ZMYM2: variants seen among roughly 807,000 people sequenced by gnomAD.
ZMYM2 encodes zinc finger MYM-type containing 2, also known as zinc finger MYM-type protein 2.
In ZMYM2, 56 loss-of-function variants were observed where a neutral mutation model predicts 162.8. The ratio of observed to expected loss-of-function variants is 0.34; its 90% CI spans 0.28 to 0.43. The LOEUF is 0.43. Among genes scored for constraint, ZMYM2 ranks in the 20% least tolerant of loss-of-function variants. The probability of loss-of-function intolerance (pLI) is 1.00; values close to 1 mark genes in which losing one functional copy is unlikely to be tolerated. For missense variants in ZMYM2, 1,275 were observed against 1,621.8 expected (o/e 0.79, Z 3.67); for synonymous variants, 510 against 541.6 (o/e 0.94, Z 0.81).
chr13:19,934,307 T>A, the ZMYM2 span, among the ~76,000 whole-genome samples: 3 of 152,044 alleles, frequency 2.0e-5, no homozygotes, highest in East Asian at 5.8e-4. Flanking sequence ...ACTACAGGCA[T>A]CCACCACCAT....
chr13:19,948,290 C>G, the ZMYM2 span, among the ~76,000 whole-genome samples: 1 of 152,136 alleles, frequency 6.6e-6, no homozygotes, highest in Non-Finnish European at 1.5e-5. Context: ...ACACAAAACC[C>G]TTGCACATGG....
At chr13:19,914,577 T>C in the ZMYM2 span, among the ~76,000 whole-genome samples, 1 of 152,244 alleles carries the variant, frequency 6.6e-6, no homozygotes, top group Non-Finnish European at 1.5e-5. Flanking sequence ...CAGCATTGCT[T>C]TGTTCTTACT....
chr13:20,037,213 ATTTTTTTTTT>A (rs754909177), intron 12 of ZMYM2, among the ~76,000 whole-genome samples: 1 of 90,382 alleles, frequency 1.1e-5, no homozygotes, highest in Non-Finnish European at 2.1e-5. Context: ...ACTAAGTAGA[ATTTTTTTTTT>A]TTTTTTTTTT....
At position 20,058,713 on chromosome 13, in the gene ZMYM2, GGACAATGT is replaced by G. The variant is rs1955997006; in HGVS notation, c.2623+13_2623+20del. 4 of 1,612,556 alleles carry G rather than the reference GGACAATGT, an allele frequency of 2.5e-6. No homozygotes were observed. In the South Asian group the frequency reaches 4.4e-5, roughly 18 times the overall value. Reference sequence around the variant, plus strand: ...CAAATCTTGTCAGACAGGTAACTTAGGACAATGTGACTTACATACTTCCCCATACCTTC... The same window carrying G: ...CAAATCTTGTCAGACAGGTAACTTAGGACTTACATACTTCCCCATACCTTC... On this transcript the variant is annotated intron_variant, in intron 15 of 24. Transcript: ENST00000610343.
intron 2 of ZMYM2, among the ~76,000 whole-genome samples, chr13:19,961,467 C>G (rs1955198911): frequency 1.3e-5 from 2 of 152,184 alleles, no homozygotes; most frequent in South Asian, 4.1e-4. Flanking sequence ...AAGTTCATCT[C>G]AGGCATCAGA....
intron 14 of ZMYM2, among the ~76,000 whole-genome samples, chr13:20,058,256 TC>T (rs749544628): frequency 3.7e-4 from 56 of 152,352 alleles, no homozygotes; most frequent in Admixed American, 9.2e-4. Flanking sequence ...TTTTCATAGT[TC>T]AGGTTTGCAA....
Position 20,014,323 on chromosome 13 carries a change from C to T in ZMYM2, c.1513-5224C>T, listed in dbSNP as rs980643852. On this transcript the variant is annotated intron_variant, in intron 6 of 24. Transcript: ENST00000610343. ...TCCAGACCTCATGATCCACCCGCCT[C>T]AGCCTCCCAAAATGTTGGGATTATA... is the stretch of plus-strand genomic sequence containing the variant. 6.6e-5 allele frequency among the ~76,000 whole-genome samples: 10 copies of T among 152,172 alleles called. No homozygotes were observed. In the East Asian group the frequency reaches 1.9e-3, roughly 29 times the overall value.
intron 7 of ZMYM2, 61 bp downstream of exon 7, chr13:20,019,679 C>A: frequency 1.4e-6 from 2 of 1,397,956 alleles, no homozygotes; most frequent in South Asian, 1.3e-5. Flanking sequence ...CTACTACTGT[C>A]ATTAATATGT....
At chr13:20,057,070 C>T (rs1227160350) in intron 14 of ZMYM2, among the ~76,000 whole-genome samples, 1 of 152,096 alleles carries the variant, frequency 6.6e-6, no homozygotes, top group Non-Finnish European at 1.5e-5. Flanking sequence ...TTCTGCAGCT[C>T]CATCCACAGT....
At chr13:19,914,911 T>A in the ZMYM2 span, among the ~76,000 whole-genome samples, 1 of 152,160 alleles carries the variant, frequency 6.6e-6, no homozygotes, top group African/African-American at 2.4e-5. Flanking sequence ...CAAGAGGCTG[T>A]ATATACTCTG....
At position 20,087,271 on chromosome 13, in the gene ZMYM2, T is replaced by TAA. The variant is rs748988991; in HGVS notation, c.*1267_*1268dup. 7.6e-5 allele frequency: 13 copies of TAA among 171,062 alleles called. No individual in the cohort carries two copies. Among genetic ancestry groups the TAA allele is most frequent in the South Asian group, 2.1e-4 (1 of 4,774 alleles). The allele number at this position is 171,062 out of a possible 1,614,324, so 10.6% of individuals were successfully genotyped here. A position where few individuals can be genotyped will look rare whatever the true frequency, so the allele number is the denominator to read the frequency against. On this transcript the variant is annotated 3_prime_UTR_variant, in exon 25 of 25. Transcript: ENST00000610343. ...AATTACTTCTTATAGAAGATTGCATTAAAAAAAAAAACAACTTTGTGCTTC... is the reference window on the plus strand; with the variant it reads ...AATTACTTCTTATAGAAGATTGCATTAAAAAAAAAAAAACAACTTTGTGCTTC...
rs1594469557 is a variant in ZMYM2 at position 20,031,533 on chromosome 13, T to C, written c.1968+98T>C. ...ATCTGGAAACCTATTTCTTGGTAGA[T>C]AAAAATATGCTTTTCAGATTTTTTT... On this transcript the variant is annotated intron_variant, in intron 10 of 24. Transcript: ENST00000610343. The C allele has an allele frequency of 3.9e-6, 3 of 778,232 alleles. No individual in the cohort carries two copies. The South Asian group carries it at 7.6e-5, about 20-fold the overall frequency. The allele number at this position is 778,232 out of a possible 1,614,324, so 48.2% of individuals were successfully genotyped here.
chr13:19,989,787 C>T (rs1184347474), intron 2 of ZMYM2, among the ~76,000 whole-genome samples: 1 of 152,238 alleles, frequency 6.6e-6, no homozygotes, highest in Non-Finnish European at 1.5e-5. Flanking sequence ...CCCACCTCGC[C>T]ACTACCCTTC....
At chr13:19,936,551 G>A in the ZMYM2 span, among the ~76,000 whole-genome samples, 1 of 151,820 alleles carries the variant, frequency 6.6e-6, no homozygotes, top group Non-Finnish European at 1.5e-5. Flanking sequence ...GCGAAACCCT[G>A]TCTCTACTAA....
intron 2 of ZMYM2, among the ~76,000 whole-genome samples, chr13:19,987,020 G>C (rs1005647140): frequency 2.1e-5 from 3 of 144,326 alleles, no homozygotes; most frequent in African/African-American, 7.7e-5. Flanking sequence ...CAGGAAAATT[G>C]CTTGAACCTG....
At chr13:19,947,461 T>G in the ZMYM2 span, among the ~76,000 whole-genome samples, 3 of 151,236 alleles carry the variant, frequency 2.0e-5, no homozygotes. Flanking sequence ...CTTTTTTTTT[T>G]TTTTTCTTTT....
intron 6 of ZMYM2, among the ~76,000 whole-genome samples, chr13:20,010,588 T>C (rs1338109569): frequency 6.6e-6 from 1 of 152,140 alleles, no homozygotes; most frequent in Non-Finnish European, 1.5e-5. Flanking sequence ...GTTTTTGAAT[T>C]GGGTTTTGTA....
the ZMYM2 span, among the ~76,000 whole-genome samples, chr13:19,900,510 T>TTG: frequency 6.6e-6 from 1 of 152,128 alleles, no homozygotes; most frequent in East Asian, 1.9e-4. Context: ...AAACATTATA[T>TTG]TTATCGAAGA....
chr13:20,020,521 G>T (rs1327272533), intron 7 of ZMYM2, among the ~76,000 whole-genome samples: 1 of 152,028 alleles, frequency 6.6e-6, no homozygotes, highest in African/African-American at 2.4e-5. Context: ...ACCGCGCCCG[G>T]CCCATTATTT....
Sources: allele counts gnomAD v4.1 joint callset (sites outside exome capture counted in the v4.1 genomes callset), GRCh38; gene constraint gnomAD v4.1.1; transcripts MANE v1.5; gene names NCBI Gene and HGNC (gene_info 2026-07-23, HGNC 2026-07-21).